The following FCHSD2 variants were observed in gnomAD, a reference collection of about 807,000 sequenced individuals.
The protein encoded by FCHSD2 is FCH and double SH3 domains 2, also known as F-BAR and double SH3 domains protein 2.
FCHSD2 carries 38 observed loss-of-function variants against 108.1 expected under a neutral mutation model. The ratio of observed to expected loss-of-function variants is 0.35; its 90% CI spans 0.27 to 0.46. The LOEUF is 0.46. FCHSD2 is among the 20% of genes least tolerant of loss of function. FCHSD2 has a pLI of 1.00. For missense variants in FCHSD2, 751 were observed against 897.8 expected (o/e 0.84, Z 2.09); for synonymous variants, 279 against 314.7 (o/e 0.89, Z 1.20).
chr11:73,023,317 T>C (rs1486443806), intron 3 of FCHSD2, among the ~76,000 whole-genome samples: 1 of 152,026 alleles, frequency 6.6e-6, no homozygotes, highest in Non-Finnish European at 1.5e-5. Flanking sequence ...TCCAAATATA[T>C]AAAGAATTCC....
chr11:72,889,949 C>T lies in FCHSD2; in HGVS notation c.925-4G>A. On this transcript the variant is annotated splice_region_variant and splice_polypyrimidine_tract_variant and intron_variant, in intron 10 of 19. Transcript: ENST00000409418. The stretch of plus-strand genomic sequence containing the variant: ...TTTCTGATTCTAACTGTCGGCTCTA[C>T]AATACAAGAGAGAACAGAGATAAAA... 1 of 1,564,242 alleles carries T rather than the reference C, an allele frequency of 6.4e-7. No individual in the cohort carries two copies. Among genetic ancestry groups the T allele is most frequent in the Non-Finnish European group, 8.8e-7 (1 of 1,134,936 alleles).
At chr11:73,083,889 A>T in intron 2 of FCHSD2, 149 bp from the exon 3 acceptor site, 1 of 641,484 alleles carries the variant, frequency 1.6e-6, no homozygotes, top group South Asian at 1.8e-5. Flanking sequence ...GAATACTGCT[A>T]ACAGCCTGGT....
At chr11:72,984,348 A>G in intron 7 of FCHSD2, 132 bp from the exon 8 acceptor site, 1 of 699,118 alleles carries the variant, frequency 1.4e-6, no homozygotes, top group South Asian at 1.9e-5. Flanking sequence ...GAAAACATTT[A>G]TACGTATATA....
At chr11:72,990,475 T>A (rs1045090811) in intron 5 of FCHSD2, among the ~76,000 whole-genome samples, 1 of 152,148 alleles carries the variant, frequency 6.6e-6, no homozygotes. Flanking sequence ...CCTCAGCAAA[T>A]GCAGAAGAAC....
intron 12 of FCHSD2, among the ~76,000 whole-genome samples, chr11:72,874,032 G>A (rs1470069191): frequency 6.6e-6 from 1 of 152,046 alleles, no homozygotes; most frequent in East Asian, 1.9e-4. Context: ...TGTTCCATTG[G>A]TGGAACCCTG....
chr11:73,074,026 A>T (rs1591532641), intron 3 of FCHSD2, among the ~76,000 whole-genome samples: 2 of 152,300 alleles, frequency 1.3e-5, no homozygotes, highest in South Asian at 4.1e-4. Flanking sequence ...ATAAGATCTT[A>T]AACGAACAGA....
chr11:72,883,151 C>T (rs1235956747), intron 12 of FCHSD2, among the ~76,000 whole-genome samples: 2 of 152,164 alleles, frequency 1.3e-5, no homozygotes, highest in Non-Finnish European at 1.5e-5. Context: ...TGACCCTTAA[C>T]TCATACCAGA....
At chr11:73,087,372 G>C (rs1859843233) in intron 2 of FCHSD2, among the ~76,000 whole-genome samples, 1 of 151,840 alleles carries the variant, frequency 6.6e-6, no homozygotes, top group African/African-American at 2.4e-5. Flanking sequence ...AAGTAAAAAA[G>C]TTACAGTGAG....
chr11:72,951,651 C>A (rs1037527768), intron 8 of FCHSD2, among the ~76,000 whole-genome samples: 18 of 152,174 alleles, frequency 1.2e-4, no homozygotes, highest in Admixed American at 3.3e-4. Context: ...ATGTTTTTCT[C>A]TATTACATTT....
intron 5 of FCHSD2, among the ~76,000 whole-genome samples, chr11:72,995,526 A>C (rs1026621013): frequency 6.6e-6 from 1 of 151,052 alleles, no homozygotes; most frequent in Non-Finnish European, 1.5e-5. Context: ...ACATGGTGAA[A>C]CCTCATCTCT....
chr11:72,901,218 C>A (rs865995268), intron 10 of FCHSD2, among the ~76,000 whole-genome samples: 3 of 151,684 alleles, frequency 2.0e-5, no homozygotes, highest in Middle Eastern at 3.4e-3. Context: ...ATGGTGAGAC[C>A]CCCCCATCTC....
At chr11:72,911,179 T>A (rs1368166901) in intron 9 of FCHSD2, among the ~76,000 whole-genome samples, 1 of 152,210 alleles carries the variant, frequency 6.6e-6, no homozygotes, top group Non-Finnish European at 1.5e-5. Context: ...TGGCAAGAGA[T>A]AGGGGTCTTA....
chr11:72,919,873 T>A lies in FCHSD2; in HGVS notation c.828+1955A>T, dbSNP rs538524654. Among the ~76,000 whole-genome samples, 3 of 152,156 alleles carry A rather than the reference T, an allele frequency of 2.0e-5. No homozygotes were observed. In the South Asian group the frequency reaches 6.2e-4, roughly 32 times the overall value. On this transcript the variant is annotated intron_variant, in intron 9 of 19. Coordinates refer to ENST00000409418, the MANE Select transcript of FCHSD2 (RefSeq NM_014824.3). ...AAAATTAGAAATAAAAATGTCACCCTACCACATATTCCAACTGAATGGAAA... is the reference window on the plus strand; with the variant it reads ...AAAATTAGAAATAAAAATGTCACCCAACCACATATTCCAACTGAATGGAAA...
intron 5 of FCHSD2, among the ~76,000 whole-genome samples, chr11:72,991,132 G>A (rs566128530): frequency 2.0e-5 from 3 of 152,196 alleles, no homozygotes; most frequent in South Asian, 4.1e-4. Context: ...TAAATTCCTC[G>A]ACACATACAC....
chr11:73,055,565 AAAT>A (rs1301632051), intron 3 of FCHSD2, among the ~76,000 whole-genome samples: 9 of 152,334 alleles, frequency 5.9e-5, no homozygotes, highest in Admixed American at 2.0e-4. Context: ...TGATATTTCA[AAAT>A]AATATTTATT....
intron 3 of FCHSD2, among the ~76,000 whole-genome samples, chr11:73,083,327 G>T (rs1859739707): frequency 1.3e-5 from 2 of 152,150 alleles, no homozygotes; most frequent in Non-Finnish European, 2.9e-5. Context: ...AAGGCGGACG[G>T]ATCATAAGGT....
chr11:73,139,389 T>C (rs1015929745), intron 2 of FCHSD2, among the ~76,000 whole-genome samples: 2 of 152,216 alleles, frequency 1.3e-5, no homozygotes, highest in African/African-American at 2.4e-5. Flanking sequence ...TCAGTCTGTA[T>C]TACAAGATTG....
chr11:72,854,291 C>T (rs745841542), intron 13 of FCHSD2, among the ~76,000 whole-genome samples: 2 of 152,134 alleles, frequency 1.3e-5, no homozygotes, highest in Admixed American at 6.5e-5. Flanking sequence ...TGTTCACAGC[C>T]ACATTATTCA....
In FCHSD2 at chr11:72,999,699, G is replaced by T. The variant is rs533896582; in HGVS notation, c.387+1291C>A. Among the ~76,000 whole-genome samples the T allele has an allele frequency of 9.2e-5, 14 of 152,278 alleles. No homozygotes were observed. In the South Asian group the frequency reaches 1.9e-3, roughly 20 times the overall value. On this transcript the variant is annotated intron_variant, in intron 5 of 19. Transcript: ENST00000409418. ...TCATCAATGGAAGAGAAAAGCACCA[G>T]AGGTAGTTAAACTCTCTAAATATTC...
Sources: allele counts gnomAD v4.1 joint callset (sites outside exome capture counted in the v4.1 genomes callset), GRCh38; gene constraint gnomAD v4.1.1; transcripts MANE v1.5; gene names NCBI Gene and HGNC (gene_info 2026-07-23, HGNC 2026-07-21).